SEC16A: variants seen among roughly 807,000 people sequenced by gnomAD.
SEC16A encodes SEC16 homolog A, endoplasmic reticulum export factor.
In SEC16A, 110 loss-of-function variants were observed where a neutral mutation model predicts 221.9. That is an observed-to-expected ratio of 0.50 (90% CI 0.42 to 0.58). SEC16A has a LOEUF of 0.58. SEC16A is among the 20% of genes least tolerant of loss of function. The probability of loss-of-function intolerance (pLI) is 0.00; values close to 1 mark genes in which losing one functional copy is unlikely to be tolerated. For missense variants in SEC16A, 3,165 were observed against 3,097.8 expected (o/e 1.02, Z -0.52); for synonymous variants, 1,393 against 1,257.7 (o/e 1.11, Z -2.28).
At position 136,459,918 on chromosome 9, in the gene SEC16A, A is replaced by G; in HGVS notation, c.5074-44T>C. 6.4e-7 allele frequency: 1 copy of G among 1,573,068 alleles called. No homozygotes were observed. The highest frequency in any genetic ancestry group is 8.7e-7 in the Non-Finnish European group (1 of 1,153,504). On this transcript the variant is annotated intron_variant, in intron 14 of 31. Transcript: ENST00000684901. This position sits in a 1 kb window ranked among gnomAD's most constrained non-coding sequence, Gnocchi z 6.1. Reference sequence around the variant, plus strand: ...AAACGAAGCCTCATCCCCGGAAGCCAGCGCCATTTCAATTCCACACAGCTG... The same window carrying G: ...AAACGAAGCCTCATCCCCGGAAGCCGGCGCCATTTCAATTCCACACAGCTG...
At chr9:136,479,589 T>C (rs1234787804) in intron 1 of SEC16A, among the ~76,000 whole-genome samples, 2 of 152,228 alleles carry the variant, frequency 1.3e-5, no homozygotes, top group East Asian at 3.9e-4. Flanking sequence ...CCTGACCTCA[T>C]AATCCACCCG....
In SEC16A at chr9:136,476,170, G is replaced by T. The variant is rs532513013; in HGVS notation, c.1446C>A (p.Ser482=). The T allele has an allele frequency of 5.6e-6, 9 of 1,613,890 alleles. No homozygotes were observed. The highest frequency in any genetic ancestry group is 3.3e-4 in the Middle Eastern group (2 of 6,060). ...PSEPLNLDPS[S]PSDQFRYGPL... ...GCCCATATCTGAACTGGTCACTCGG[G>T]GAGGAAGGGTCCAAATTGAGGGGCT... The change falls in exon 3 of 32, where the codon TCC becomes TCA. Residue 482 remains serine (S), a synonymous_variant. Coordinates refer to ENST00000684901, the MANE Select transcript of SEC16A (RefSeq NM_014866.2).
At position 136,447,998 on chromosome 9, in the gene SEC16A, GA is replaced by G; in HGVS notation, c.6390+85del. Reference sequence around the variant, plus strand: ...TAATGATGACACTTCAAAACTTCAGGAAACACCTACTCAGGTCTGCTCTGAA... The same window carrying G: ...TAATGATGACACTTCAAAACTTCAGGAACACCTACTCAGGTCTGCTCTGAA... On this transcript the variant is annotated intron_variant, in intron 24 of 31. Transcript: ENST00000684901. This position sits in a 1 kb window ranked among gnomAD's most constrained non-coding sequence, Gnocchi z 5.5. 6.6e-7 allele frequency: 1 copy of G among 1,518,644 alleles called. No individual in the cohort carries two copies. Among genetic ancestry groups the G allele is most frequent in the Non-Finnish European group, 9.0e-7 (1 of 1,108,418 alleles). The allele number at this position is 1,518,644 out of a possible 1,614,324, so 94.1% of individuals were successfully genotyped here.
chr9:136,475,827 G>A lies in SEC16A; in HGVS notation c.1789C>T (p.Pro597Ser), dbSNP rs771708463. The change falls in exon 3 of 32, where the codon CCG becomes TCG. Residue 597 changes from proline to serine, a missense_variant. Pro to Ser is a moderately conservative substitution (Grantham distance 74, BLOSUM62 -1). This residue lies in a region of SEC16A where 2,030 missense variants were observed against 1,923.1 expected (regional missense o/e 1.06). Transcript: ENST00000684901. The surrounding 1 kb of genome is among the most constrained non-coding windows in gnomAD (Gnocchi z 5.0). ...GTCTGAAATATTCCTGTAGGTTTCG[G>A]GGGGCTCGGGGTTGAGGGCTGGGAC... ...SVSQPSTPSP[P>S]KPTGIFQTSA... 5.7e-6 allele frequency: 9 copies of A among 1,581,980 alleles called. No individual in the cohort carries two copies. The highest frequency in any genetic ancestry group is 4.6e-5 in the South Asian group (4 of 87,384).
chr9:136,484,719 G>C (rs1424232917), upstream of SEC16A: 13 of 1,366,626 alleles, frequency 9.5e-6, no homozygotes, highest in Non-Finnish European at 1.3e-5. Context: ...CAGTCCGGCT[G>C]ACGTGGCACC....
Position 136,468,507 on chromosome 9 carries a change from C to G in SEC16A, c.3710G>C (p.Gly1237Ala). Residue 1237 changes from glycine to alanine, a missense_variant, in exon 5 of 32, where the codon GGA (glycine) becomes GCA (alanine). Around this residue, in one of 3 missense-constraint regions of SEC16A, gnomAD observed 2,030 missense variants for 1,923.1 expected, o/e 1.06. Coordinates refer to ENST00000684901, the MANE Select transcript of SEC16A (RefSeq NM_014866.2). ...GGAACTATAGTATCCTTCAGGATAT[C>G]CTTGCCTGAAAAAACACACAGTGCT... is the stretch of plus-strand genomic sequence containing the variant. ...HSSERPPPRQ[G>A]YPEGYYSSKS... is the part of the protein sequence containing the mutation. 1 of 1,603,086 alleles carries G rather than the reference C, an allele frequency of 6.2e-7. No homozygotes were observed. Among genetic ancestry groups the G allele is most frequent in the Non-Finnish European group, 8.5e-7 (1 of 1,170,594 alleles).
rs534317226 is a variant in SEC16A, at chr9:136,458,534, A to G, written c.5409+600T>C. Among the ~76,000 whole-genome samples, 4 of 151,038 alleles carry G rather than the reference A, an allele frequency of 2.6e-5. No homozygotes were observed. In the East Asian group the frequency reaches 7.9e-4, roughly 30 times the overall value. ...TCCCAGCTACTCGGGAGGCTGAGGA[A>G]GGAGAATGGCGTGAACTCAGAAAGC... is the stretch of plus-strand genomic sequence containing the variant. On this transcript the variant is annotated intron_variant, in intron 17 of 31. Transcript: ENST00000684901.
Position 136,451,376 on chromosome 9 carries a change from G to T in SEC16A, c.6192C>A (p.Ala2064=), listed in dbSNP as rs376849328. The T allele has an allele frequency of 6.8e-4, 1,099 of 1,612,062 alleles. No individual in the cohort carries two copies. Among genetic ancestry groups the T allele is most frequent in the Non-Finnish European group, 8.6e-4 (1,019 of 1,179,250 alleles). The part of the protein sequence containing the change: ...TPSRTVPDSE[A]PPGWDRADSG... Reference sequence around the variant, plus strand: ...AGTCGGCACGATCCCACCCTGGGGGGGCCTCCGAGTCTGGCACCGTCCTCG... The same window carrying T: ...AGTCGGCACGATCCCACCCTGGGGGTGCCTCCGAGTCTGGCACCGTCCTCG... Residue 2064 remains alanine, a synonymous_variant, in exon 23 of 32, where the codon GCC becomes GCA. Coordinates refer to ENST00000684901, the MANE Select transcript of SEC16A (RefSeq NM_014866.2).
Position 136,477,391 on chromosome 9 carries a change from T to A in SEC16A, c.225A>T (p.Pro75=). The A allele has an allele frequency of 6.2e-7, 1 of 1,613,852 alleles. No homozygotes were observed. Among genetic ancestry groups the A allele is most frequent in the Non-Finnish European group, 8.5e-7 (1 of 1,179,858 alleles). ...TPLGSSSKSS[P]PVLQGPAPAG... ...CGGGGGCTGGGCCTTGCAAGACAGG[T>A]GGACTGCTTTTGGACGAACTGCCCA... The change falls in exon 3 of 32, where the codon CCA becomes CCT. Residue 75 remains proline, a synonymous_variant. Transcript: ENST00000684901.
chr9:136,453,558 G>T, intron 21 of SEC16A, 48 bp from the exon 22 acceptor site: 2 of 1,483,610 alleles, frequency 1.3e-6, no homozygotes, highest in Non-Finnish European at 1.9e-6. Flanking sequence ...CGAGAAGGCG[G>T]GACGTGTGTG....
chr9:136,451,315 C>G lies in SEC16A; in HGVS notation c.6253G>C (p.Ala2085Pro), dbSNP rs370580753. 6.2e-7 allele frequency: 1 copy of G among 1,613,478 alleles called. No homozygotes were observed. The change falls in exon 23 of 32, where the codon GCT (alanine) becomes CCT (proline). Residue 2085 changes from alanine to proline, a missense_variant. Ala to Pro is a conservative substitution (Grantham distance 27, BLOSUM62 -1). Transcript: ENST00000684901. Reference sequence around the variant, plus strand: ...TGTCCGGGTCTCTTTGTTTCGGGAGCGGGTGAGAGAGACAGAGGTGGCTGC... The same window carrying G: ...TGTCCGGGTCTCTTTGTTTCGGGAGGGGGTGAGAGAGACAGAGGTGGCTGC... ...PTQPPLSLSP[A>P]PETKRPGQAA...
rs1841793940 is a variant in SEC16A, at chr9:136,477,455, G to A, written c.161C>T (p.Pro54Leu). The A allele has an allele frequency of 1.2e-6, 2 of 1,614,046 alleles. No individual in the cohort carries two copies. Among genetic ancestry groups the A allele is most frequent in the Non-Finnish European group, 1.7e-6 (2 of 1,179,900 alleles). Residue 54 changes from proline (P) to leucine (L), a missense_variant, in exon 3 of 32, where the codon CCA (proline) becomes CTA (leucine). Coordinates refer to ENST00000684901, the MANE Select transcript of SEC16A (RefSeq NM_014866.2). ...GAGCGCCTGTCTACTAAAAGCAAAT[G>A]GATCCGTGACCGGCTGCAACGGGCA... is the stretch of plus-strand genomic sequence containing the variant. ...TTCPLQPVTD[P>L]FAFSRQALQS...
intron 28 of SEC16A, 54 bp downstream of exon 28, chr9:136,446,801 G>A (rs1837053886): frequency 1.3e-6 from 2 of 1,528,794 alleles, no homozygotes; most frequent in Admixed American, 2.1e-5. Flanking sequence ...CTGGCAGGAT[G>A]GGGAGGTGCC....
intron 4 of SEC16A, among the ~76,000 whole-genome samples, chr9:136,471,704 C>A (rs931057378): frequency 6.6e-6 from 1 of 152,236 alleles, no homozygotes; most frequent in African/African-American, 2.4e-5. Context: ...TGCTTCTCTG[C>A]AGCCCTGAGC....
Position 136,466,475 on chromosome 9 carries a change from G to A in SEC16A, c.3930-13C>T, listed in dbSNP as rs369751974. The A allele has an allele frequency of 1.3e-5, 21 of 1,587,256 alleles. No homozygotes were observed. The highest frequency in any genetic ancestry group is 1.7e-4 in the Middle Eastern group (1 of 6,000). On this transcript the variant is annotated splice_polypyrimidine_tract_variant and intron_variant, in intron 6 of 31. Transcript: ENST00000684901. This position sits in a 1 kb window ranked among gnomAD's most constrained non-coding sequence, Gnocchi z 5.5. Reference sequence around the variant, plus strand: ...ACGTTTCTCGGGCCTAGAGGAAGCCGGGGGACAGAGGCAGAGGAATGGGAG... The same window carrying A: ...ACGTTTCTCGGGCCTAGAGGAAGCCAGGGGACAGAGGCAGAGGAATGGGAG...
At chr9:136,458,131 T>C (rs1838953124) in intron 17 of SEC16A, among the ~76,000 whole-genome samples, 1 of 86,022 alleles carries the variant, frequency 1.2e-5, no homozygotes, top group South Asian at 3.1e-4. Context: ...AATTTTTGTA[T>C]TTTTTTTTTT....
Position 136,447,259 on chromosome 9 carries a change from G to T in SEC16A, c.6665C>A (p.Pro2222Gln). 1 of 1,597,300 alleles carries T rather than the reference G, an allele frequency of 6.3e-7. No homozygotes were observed. The highest frequency in any genetic ancestry group is 2.3e-5 in the East Asian group (1 of 44,172). The stretch of plus-strand genomic sequence containing the variant: ...TGGCACGAACAAGTTAGAAGGAATT[G>T]GGAGTGGCGCGAGTGGAGCGACAAA... The part of the protein sequence containing the change: ...ADFVAPLAPL[P>Q]IPSNLFVPTP... The change falls in exon 27 of 32, where the codon CCA becomes CAA. Residue 2222 changes from proline to glutamine, a missense_variant. Pro to Gln is a moderately conservative substitution (Grantham distance 76). This residue lies in a region of SEC16A where 1,088 missense variants were observed against 1,089.6 expected (regional missense o/e 1.00). Transcript: ENST00000684901. This position sits in a 1 kb window ranked among gnomAD's most constrained non-coding sequence, Gnocchi z 5.5.
rs755003126 is a variant in SEC16A, at chr9:136,476,508, C to T, written c.1108G>A (p.Gly370Arg). Residue 370 changes from glycine to arginine, a missense_variant, in exon 3 of 32, where the codon GGA becomes AGA. Around this residue, in one of 3 missense-constraint regions of SEC16A, gnomAD observed 2,030 missense variants for 1,923.1 expected, o/e 1.06. Transcript: ENST00000684901. Reference protein sequence around the residue: ...APLEADSGASGALAMFFQGGE... With the variant: ...APLEADSGASRALAMFFQGGE... ...CCTTGGAAAAACATCGCCAGAGCTCCTGAAGCTCCTGAGTCTGCTTCTAGC... is the reference window on the plus strand; with the variant it reads ...CCTTGGAAAAACATCGCCAGAGCTCTTGAAGCTCCTGAGTCTGCTTCTAGC... 1 of 1,591,318 alleles carries T rather than the reference C, an allele frequency of 6.3e-7. No homozygotes were observed. Among genetic ancestry groups the T allele is most frequent in the Non-Finnish European group, 8.6e-7 (1 of 1,160,734 alleles).
chr9:136,449,695 C>T (rs2131934378), intron 23 of SEC16A, among the ~76,000 whole-genome samples: 1 of 152,348 alleles, frequency 6.6e-6, no homozygotes, highest in South Asian at 2.1e-4. Flanking sequence ...TACACACCCT[C>T]AATTCTGTTT....
Sources: gnomAD v4.1 joint callset for allele counts (sites outside exome capture counted in the v4.1 genomes callset) on GRCh38, gnomAD v4.1.1 for gene constraint, gnomAD v4.1.1 regional missense constraint, Gnocchi (gnomAD v3.1) non-coding constraint, MANE v1.5 for transcripts, NCBI Gene and HGNC (gene_info 2026-07-23, HGNC 2026-07-21) for gene names.